Variants in CACNA1C observed in about 807,000 individuals in gnomAD.
CACNA1C encodes calcium voltage-gated channel subunit alpha1 C.
CACNA1C carries 30 observed loss-of-function variants against 229.0 expected under a neutral mutation model. That is an observed-to-expected ratio of 0.13 (90% CI 0.10 to 0.18). CACNA1C has a LOEUF of 0.18. CACNA1C is among the 10% of genes least tolerant of loss of function. The pLI is 1.00. For missense variants in CACNA1C, 1,658 were observed against 2,845.0 expected, an observed-to-expected ratio of 0.58 and a Z score of 9.49; for synonymous variants, 1,114 against 1,132.5, an observed-to-expected ratio of 0.98 and a Z score of 0.33.
At chr12:2,464,719 C>G (rs928223144) in intron 5 of CACNA1C, among the ~76,000 whole-genome samples, 1 of 152,192 alleles carries the variant, frequency 6.6e-6, no homozygotes, top group Non-Finnish European at 1.5e-5. Flanking sequence ...TGGAAGCACA[C>G]AGAATAGAAA....
chr12:2,052,902 C>CGGGCGGGCGGCGCGGGCAGGGGCGG (rs2052678969), upstream of CACNA1C: 1 of 816,788 alleles, frequency 1.2e-6, no homozygotes, highest in Non-Finnish European at 1.5e-6. Context: ...GCCGGGCGGG[C>CGGGCGGGCGGCGCGGGCAGGGGCGG]GGGCGGGCGG....
rs1220383403 is a variant in CACNA1C at position 2,595,824 on chromosome 12, C to T, written c.2664-50C>T. On this transcript the variant is annotated intron_variant, in intron 19 of 46. Coordinates refer to ENST00000399655, the MANE Select transcript of CACNA1C (RefSeq NM_000719.7). The surrounding 1 kb of genome is among the most constrained non-coding windows in gnomAD (Gnocchi z 4.1). The stretch of plus-strand genomic sequence containing the variant: ...GGCTCCCAAGAGCCGACTGGTGCTT[C>T]CCCTTGTCTGCCTTGACTTGTCTCT... The T allele has an allele frequency of 1.3e-6, 2 of 1,591,550 alleles. No individual in the cohort carries two copies. The highest frequency in any genetic ancestry group is 1.1e-5 in the South Asian group (1 of 88,790).
At chr12:2,389,048 C>T (rs1469910787) in intron 3 of CACNA1C, among the ~76,000 whole-genome samples, 1 of 152,124 alleles carries the variant, frequency 6.6e-6, no homozygotes, top group East Asian at 1.9e-4. Flanking sequence ...AATAGGACAT[C>T]ACATTTAATC....
intron 10 of CACNA1C, among the ~76,000 whole-genome samples, chr12:2,553,257 G>A (rs556798052): frequency 7.9e-5 from 12 of 152,274 alleles, no homozygotes; most frequent in Admixed American, 3.3e-4. Context: ...CACCTGCAGC[G>A]GTGCAAGATT....
In CACNA1C at chr12:2,104,795, T is replaced by A. The variant is rs139313228; in HGVS notation, c.50-10429T>A. Among the ~76,000 whole-genome samples the A allele has an allele frequency of 2.8e-4, 43 of 152,382 alleles. 1 individual carries two copies. Among genetic ancestry groups the A allele is most frequent in the African/African-American group, 9.9e-4 (41 of 41,598 alleles). On this transcript the variant is annotated intron_variant, in intron 1 of 46. Transcript: ENST00000399655. ...TAGATTTGCTATCACCAGGTGCTGATAGGCGCCTTAGTTCAAGTAGCAAGA... is the reference window on the plus strand; with the variant it reads ...TAGATTTGCTATCACCAGGTGCTGAAAGGCGCCTTAGTTCAAGTAGCAAGA...
At chr12:2,201,518 G>A (rs1411784226) in intron 3 of CACNA1C, among the ~76,000 whole-genome samples, 1 of 152,180 alleles carries the variant, frequency 6.6e-6, no homozygotes, top group Non-Finnish European at 1.5e-5. Context: ...ACAGAAGACT[G>A]GAAATGTCTT....
rs561663357 is a variant in CACNA1C at position 2,665,054 on chromosome 12, C to T, written c.4398+64C>T. 1.1e-5 allele frequency: 17 copies of T among 1,552,280 alleles called. No homozygotes were observed. Among genetic ancestry groups the T allele is most frequent in the East Asian group, 6.7e-5 (3 of 44,560 alleles). On this transcript the variant is annotated intron_variant, in intron 35 of 46. Transcript: ENST00000399655. This position sits in a 1 kb window ranked among gnomAD's most constrained non-coding sequence, Gnocchi z 5.9. ...TGCCCAGTTCCAGGGCAGTCTGAACCGTCCATCTCTGCAGCTCATGGTCAG... is the reference window on the plus strand; with the variant it reads ...TGCCCAGTTCCAGGGCAGTCTGAACTGTCCATCTCTGCAGCTCATGGTCAG...
chr12:2,603,271 TC>T lies in CACNA1C; in HGVS notation c.2960+1314del, dbSNP rs2073690442. On this transcript the variant is annotated intron_variant, in intron 22 of 46. Transcript: ENST00000399655. The stretch of plus-strand genomic sequence containing the variant: ...CCATTGTGATTCGGTGCAAACTGAC[TC>T]CCTCCCAGAGAGACTGTAGGAGAGA... The T allele has an allele frequency of 3.3e-5, 5 of 152,238 alleles. No homozygotes were observed. The South Asian group carries it at 1.0e-3, about 32-fold the overall frequency. The allele number at this position is 152,238 out of a possible 1,614,324, so 9.4% of individuals were successfully genotyped here.
chr12:2,239,630 G>A (rs1470971770), intron 3 of CACNA1C, among the ~76,000 whole-genome samples: 1 of 151,962 alleles, frequency 6.6e-6, no homozygotes, highest in East Asian at 1.9e-4. Flanking sequence ...CCTCCCACTC[G>A]CCTCCCACGC....
intron 3 of CACNA1C, among the ~76,000 whole-genome samples, chr12:2,389,997 A>G (rs2154548438): frequency 6.6e-6 from 1 of 152,326 alleles, no homozygotes; most frequent in East Asian, 1.9e-4. Context: ...AATTTTTATT[A>G]TAGCATCTCT....
chr12:1,985,151 C>A (rs1423410842), intron 1 of CACNA1C, among the ~76,000 whole-genome samples: 1 of 152,136 alleles, frequency 6.6e-6, no homozygotes, highest in Non-Finnish European at 1.5e-5. Context: ...TGAATCTATA[C>A]ATTTGTCTCC....
chr12:2,407,749 C>T (rs143651605), intron 3 of CACNA1C, among the ~76,000 whole-genome samples: 114 of 151,446 alleles, frequency 7.5e-4, no homozygotes, highest in African/African-American at 2.5e-3. Flanking sequence ...TGATAATAGC[C>T]GTCCTGATAA....
intron 3 of CACNA1C, among the ~76,000 whole-genome samples, chr12:2,306,733 A>C (rs2154479509): frequency 6.6e-6 from 1 of 152,374 alleles, no homozygotes; most frequent in Admixed American, 6.5e-5. Context: ...ACACTGGCTT[A>C]AAGTCACGCT....
chr12:2,043,642 C>CTTTTTTTT (rs67625680), intron 1 of CACNA1C, among the ~76,000 whole-genome samples: 4 of 91,382 alleles, frequency 4.4e-5, no homozygotes, highest in Admixed American at 1.4e-4. Context: ...ACAGAATATT[C>CTTTTTTTT]TTTTTTTTTT....
intron 3 of CACNA1C, among the ~76,000 whole-genome samples, chr12:2,169,314 A>C (rs1407592691): frequency 7.9e-5 from 12 of 152,116 alleles, no homozygotes; most frequent in African/African-American, 1.4e-4. Flanking sequence ...ACTAAATGAT[A>C]TTGTCTTATA....
intron 3 of CACNA1C, among the ~76,000 whole-genome samples, chr12:2,192,926 AAG>A (rs2097285308): frequency 6.6e-6 from 1 of 152,246 alleles, no homozygotes; most frequent in African/African-American, 2.4e-5. Flanking sequence ...TCAGAGTCAG[AAG>A]AGAGTTCATC....
At chr12:2,210,871 C>G (rs1416546073) in intron 3 of CACNA1C, among the ~76,000 whole-genome samples, 1 of 152,134 alleles carries the variant, frequency 6.6e-6, no homozygotes, top group Non-Finnish European at 1.5e-5. Flanking sequence ...TCTCTGGTAA[C>G]TCCTTTCCAA....
At position 2,597,591 on chromosome 12, in the gene CACNA1C, T is replaced by A. The variant is rs898327689; in HGVS notation, c.2853+302T>A. On this transcript the variant is annotated intron_variant, in intron 21 of 46. Transcript: ENST00000399655. The surrounding 1 kb of genome is among the most constrained non-coding windows in gnomAD (Gnocchi z 4.3). ...TTTGTCTTTTCTGTTTCTTTCACTC[T>A]CTCTTTTCTTTACTCCCAAGCCTGA... The A allele has an allele frequency of 5.7e-6, 5 of 874,678 alleles. No individual in the cohort carries two copies. Among genetic ancestry groups the A allele is most frequent in the Non-Finnish European group, 9.4e-6 (5 of 529,378 alleles). 54.2% of individuals were successfully genotyped at this position (874,678 alleles called of 1,614,324 possible).
At chr12:2,258,809 G>A (rs760154506) in intron 3 of CACNA1C, among the ~76,000 whole-genome samples, 5 of 152,152 alleles carry the variant, frequency 3.3e-5, no homozygotes, top group Non-Finnish European at 5.9e-5. Context: ...GAATATTTCT[G>A]ATCAAATTCT....
Sources: allele counts gnomAD v4.1 joint callset (sites outside exome capture counted in the v4.1 genomes callset), GRCh38; gene constraint gnomAD v4.1.1; non-coding constraint Gnocchi (gnomAD v3.1); transcripts MANE v1.5; gene names NCBI Gene and HGNC (gene_info 2026-07-23, HGNC 2026-07-21).